SLIT1: variants seen among roughly 807,000 people sequenced by gnomAD.
SLIT1 encodes the protein slit homolog 1 protein.
In SLIT1, 66 loss-of-function variants were observed where a neutral mutation model predicts 186.1. The observed-to-expected ratio is 0.35, with a 90% CI of 0.29 to 0.44. SLIT1 has a LOEUF of 0.44. SLIT1 is among the 20% of genes least tolerant of loss of function. The probability of loss-of-function intolerance (pLI) is 1.00; values close to 1 mark genes in which losing one functional copy is unlikely to be tolerated. For synonymous variants in SLIT1, 761 were observed against 833.8 expected (o/e 0.91, Z 1.50); for missense variants, 1,638 against 2,037.4 (o/e 0.80, Z 3.77).
intron 4 of SLIT1, among the ~76,000 whole-genome samples, chr10:97,080,178 A>G (rs769014999): frequency 2.0e-4 from 30 of 152,206 alleles, no homozygotes; most frequent in Non-Finnish European, 2.8e-4. Context: ...GGTATCTTAC[A>G]CAATTTAGCA....
In SLIT1 at chr10:97,184,877, G is replaced by T. The variant is rs767148914; in HGVS notation, c.197+601C>A. ...GGTCCCATTGTCTGCCTGTGTTGGG[G>T]ATGGCTGGGTGTGGAGGGAGGCGGG... On this transcript the variant is annotated intron_variant, in intron 1 of 36. Coordinates refer to ENST00000266058, the MANE Select transcript of SLIT1 (RefSeq NM_003061.3). The surrounding 1 kb of genome is among the most constrained non-coding windows in gnomAD (Gnocchi z 4.4). Among the ~76,000 whole-genome samples the T allele has an allele frequency of 6.6e-6, 1 of 152,214 alleles. No homozygotes were observed. The highest frequency in any genetic ancestry group is 6.5e-5 in the Admixed American group (1 of 15,286).
At chr10:97,032,078 C>T (rs1170436432) in intron 23 of SLIT1, among the ~76,000 whole-genome samples, 1 of 152,222 alleles carries the variant, frequency 6.6e-6, no homozygotes, top group Non-Finnish European at 1.5e-5. Context: ...GGCGAGTTCC[C>T]TATGAAGGTG....
intron 4 of SLIT1, among the ~76,000 whole-genome samples, chr10:97,120,633 G>A (rs1204053968): frequency 6.6e-6 from 1 of 152,200 alleles, no homozygotes; most frequent in Non-Finnish European, 1.5e-5. Context: ...CCTGCTGAGG[G>A]TGCAGGCTAA....
chr10:97,052,425 T>G (rs188179515), intron 13 of SLIT1, among the ~76,000 whole-genome samples: 1 of 152,262 alleles, frequency 6.6e-6, no homozygotes, highest in East Asian at 1.9e-4. Context: ...TTATGAAATG[T>G]TCAGAAAAGG....
At position 97,078,247 on chromosome 10, in the gene SLIT1, TC is replaced by T. The variant is rs1050065479; in HGVS notation, c.414-12162del. 7.2e-5 allele frequency among the ~76,000 whole-genome samples: 11 copies of T among 152,132 alleles called. No individual in the cohort carries two copies. In the East Asian group the frequency reaches 9.6e-4, roughly 13 times the overall value. On this transcript the variant is annotated intron_variant, in intron 4 of 36. Coordinates refer to ENST00000266058, the MANE Select transcript of SLIT1 (RefSeq NM_003061.3). ...GGGGTCTGAGCTCTGCCCTTATTCA[TC>T]CCACCCACATTTACTGAGCACCCAA...
chr10:97,049,260 G>T, intron 13 of SLIT1, 142 bp from the exon 14 acceptor site: 3 of 966,018 alleles, frequency 3.1e-6, no homozygotes, highest in South Asian at 3.4e-5. Context: ...GGGGGAAAGA[G>T]AGAGTGGGGT....
rs187653262 is a variant in SLIT1, at chr10:97,005,335, C to A, written c.3580-512G>T. ...GGAACTGTGCAAGCAAAAGTGAGAT[C>A]TTTGCCTCAGGAGGGAGATCCCTCT... On this transcript the variant is annotated intron_variant, in intron 32 of 36. Coordinates refer to ENST00000266058, the MANE Select transcript of SLIT1 (RefSeq NM_003061.3). Among the ~76,000 whole-genome samples the A allele has an allele frequency of 2.6e-5, 4 of 152,356 alleles. No individual in the cohort carries two copies. In the East Asian group the frequency reaches 7.7e-4, roughly 29 times the overall value.
chr10:97,163,702 T>C (rs1163461971), intron 2 of SLIT1, among the ~76,000 whole-genome samples: 1 of 152,214 alleles, frequency 6.6e-6, no homozygotes, highest in Non-Finnish European at 1.5e-5. Flanking sequence ...CAAAATGCAC[T>C]TGCAACCCCC....
At chr10:97,067,210 C>G (rs1207417409) in intron 4 of SLIT1, among the ~76,000 whole-genome samples, 1 of 152,170 alleles carries the variant, frequency 6.6e-6, no homozygotes, top group Admixed American at 6.5e-5. Flanking sequence ...CCATGAACGC[C>G]CTGCTGCGAG....
At chr10:97,149,195 C>G (rs1391180132) in intron 4 of SLIT1, among the ~76,000 whole-genome samples, 1 of 152,240 alleles carries the variant, frequency 6.6e-6, no homozygotes. Context: ...CCATGCTGGG[C>G]GCATCAGCCC....
chr10:97,163,487 G>T, intron 2 of SLIT1, 36 bp from the exon 3 acceptor site: 1 of 1,586,244 alleles, frequency 6.3e-7, no homozygotes, highest in Non-Finnish European at 8.7e-7. Flanking sequence ...GCTACAGGGT[G>T]TGGGACAAGG....
At chr10:97,077,655 T>C (rs1420004220) in intron 4 of SLIT1, among the ~76,000 whole-genome samples, 1 of 152,188 alleles carries the variant, frequency 6.6e-6, no homozygotes, top group Non-Finnish European at 1.5e-5. Flanking sequence ...GGCTTCCAAC[T>C]GCCGCTACTA....
intron 4 of SLIT1, among the ~76,000 whole-genome samples, chr10:97,082,538 C>A (rs1314542803): frequency 6.6e-6 from 1 of 152,074 alleles, no homozygotes; most frequent in Non-Finnish European, 1.5e-5. Context: ...GGGTTCACGT[C>A]ATTCTCCTGC....
intron 4 of SLIT1, among the ~76,000 whole-genome samples, chr10:97,135,885 C>G (rs1482074570): frequency 6.6e-6 from 1 of 152,132 alleles, no homozygotes; most frequent in African/African-American, 2.4e-5. Context: ...GAAAAATGCC[C>G]AGGAGCTGAC....
intron 3 of SLIT1, 38 bp downstream of exon 3, chr10:97,163,342 C>A (rs1168625525): frequency 6.3e-7 from 1 of 1,575,682 alleles, no homozygotes; most frequent in South Asian, 1.1e-5. Context: ...CTCGTGCCAG[C>A]CCCCCGCCCT....
chr10:97,051,389 G>A (rs1472295974), intron 13 of SLIT1, among the ~76,000 whole-genome samples: 1 of 152,180 alleles, frequency 6.6e-6, no homozygotes, highest in Non-Finnish European at 1.5e-5. Flanking sequence ...GGATTAGAAT[G>A]AGAGAAATTT....
At chr10:97,155,789 A>G (rs1589414254) in intron 4 of SLIT1, among the ~76,000 whole-genome samples, 1 of 152,240 alleles carries the variant, frequency 6.6e-6, no homozygotes, top group Non-Finnish European at 1.5e-5. Context: ...AAAGAATTGC[A>G]CAATTGAGAC....
intron 1 of SLIT1, among the ~76,000 whole-genome samples, chr10:97,176,633 C>A (rs543721934): frequency 7.9e-5 from 12 of 152,206 alleles, no homozygotes; most frequent in Non-Finnish European, 1.8e-4. Context: ...ACCCCGATCT[C>A]GAGTTCCAGA....
intron 4 of SLIT1, among the ~76,000 whole-genome samples, chr10:97,106,180 TAGTTCC>T (rs1050445867): frequency 2.0e-5 from 3 of 152,192 alleles, no homozygotes; most frequent in Admixed American, 2.0e-4. Flanking sequence ...CCATGGAGTC[TAGTTCC>T]AGATGGAAAC....
Sources: gnomAD v4.1 joint callset for allele counts (sites outside exome capture counted in the v4.1 genomes callset) on GRCh38, gnomAD v4.1.1 for gene constraint, Gnocchi (gnomAD v3.1) non-coding constraint, MANE v1.5 for transcripts, NCBI Gene and HGNC (gene_info 2026-07-23, HGNC 2026-07-21) for gene names.